The following PPP1R15A variants were observed in gnomAD, a reference collection of about 807,000 sequenced individuals.
The protein encoded by PPP1R15A is growth arrest and DNA damage-inducible protein GADD34.
A neutral mutation model predicts 48.5 loss-of-function variants in PPP1R15A; 43 were observed. The observed-to-expected ratio is 0.89, with a 90% confidence interval of 0.69 to 1.14. The LOEUF (loss-of-function observed/expected upper bound fraction) is 1.14. Among genes scored for constraint, PPP1R15A ranks in the 50% most tolerant of loss-of-function variants. The probability of loss-of-function intolerance (pLI) is 0.00; values close to 1 mark genes in which losing one functional copy is unlikely to be tolerated. For synonymous variants in PPP1R15A, 327 were observed against 327.4 expected, an observed-to-expected ratio of 1.00 and a Z score of 0.01; for missense variants, 868 against 847.2, an observed-to-expected ratio of 1.02 and a Z score of -0.30.
In PPP1R15A at chr19:48,875,859, C is replaced by T; in HGVS notation, c.1911C>T (p.Ser637=). The T allele has an allele frequency of 6.2e-7, 1 of 1,614,152 alleles. No individual in the cohort carries two copies. Among genetic ancestry groups the T allele is most frequent in the African/African-American group, 1.3e-5 (1 of 75,052 alleles). The stretch of plus-strand genomic sequence containing the variant: ...CCCTCACCCAGACCTTGCCTTCCTC[C>T]TCTGTCCCTTCGTCCCCAGTCCAGA... ...IPALTQTLPS[S]SVPSSPVQTT... The change falls in exon 3 of 3, where the codon TCC becomes TCT. Residue 637 remains serine (S), a synonymous_variant. Transcript: ENST00000200453.
rs1181604400 is a variant in PPP1R15A, at chr19:48,874,737, G to C, written c.1504G>C (p.Ala502Pro). The C allele has an allele frequency of 6.2e-7, 1 of 1,613,988 alleles. No homozygotes were observed. The highest frequency in any genetic ancestry group is 1.3e-5 in the African/African-American group (1 of 74,892). ...GGAAGCTGCTGAGGACTGGGGAGAA[G>C]CTGAGCCCTGCCCCTTCCGAGTGGC... ...EEEAAEDWGEAEPCPFRVAIY... is the reference protein window; with the variant it reads ...EEEAAEDWGEPEPCPFRVAIY... Residue 502 changes from alanine (A) to proline (P), a missense_variant, in exon 2 of 3, where the codon GCT (alanine) becomes CCT (proline). Physicochemically the swap from Ala to Pro is conservative, Grantham distance 27. Transcript: ENST00000200453.
rs561018347 is a variant in PPP1R15A, at chr19:48,875,547, C to T, written c.1666-67C>T. ...TGTTTGCTTCTCTCTCTCTCTTCCCCGCCCTCCCCATCCGGATTCCCGTGG... is the reference window on the plus strand; with the variant it reads ...TGTTTGCTTCTCTCTCTCTCTTCCCTGCCCTCCCCATCCGGATTCCCGTGG... On this transcript the variant is annotated intron_variant, in intron 2 of 2. Transcript: ENST00000200453. 35 of 1,505,476 alleles carry T rather than the reference C, an allele frequency of 2.3e-5. 1 individual carries two copies. The highest frequency in any genetic ancestry group is 1.8e-4 in the East Asian group (8 of 43,706). The allele number at this position is 1,505,476 out of a possible 1,614,324, so 93.3% of individuals were successfully genotyped here. A position where few individuals can be genotyped will look rare whatever the true frequency, so the allele number is the denominator to read the frequency against.
Position 48,873,541 on chromosome 19 carries a change from C to A in PPP1R15A, c.308C>A (p.Ser103Tyr). 1 of 1,614,162 alleles carries A rather than the reference C, an allele frequency of 6.2e-7. No homozygotes were observed. The highest frequency in any genetic ancestry group is 1.3e-5 in the African/African-American group (1 of 75,032). The part of the protein sequence containing the change: ...RETLGLKTSS[S>Y]LPEAWGLLDD... ...ACACTGGGGCTGAAAACCAGCAGTT[C>A]CCTTCCTGAAGCCTGGGGACTTTTG... The change falls in exon 2 of 3, where the codon TCC (serine) becomes TAC (tyrosine). Residue 103 changes from serine to tyrosine, a missense_variant. By Grantham distance (144) the Ser-to-Tyr change is moderately radical. Coordinates refer to ENST00000200453, the MANE Select transcript of PPP1R15A (RefSeq NM_014330.5).
In PPP1R15A at chr19:48,873,784, G is replaced by A. The variant is rs767574300; in HGVS notation, c.551G>A (p.Arg184Gln). ...AAGTTCTCTTATCCACCATCACACCGGGAGTGTTGTCCAGCCGTGGAGGAG... is the reference window on the plus strand; with the variant it reads ...AAGTTCTCTTATCCACCATCACACCAGGAGTGTTGTCCAGCCGTGGAGGAG... ...VNKFSYPPSH[R>Q]ECCPAVEEED... Residue 184 changes from arginine to glutamine, a missense_variant, in exon 2 of 3, where the codon CGG (arginine) becomes CAG (glutamine). Physicochemically the swap from Arg to Gln is conservative, Grantham distance 43 (BLOSUM62 1). Transcript: ENST00000200453. 13 of 1,613,926 alleles carry A rather than the reference G, an allele frequency of 8.1e-6. No individual in the cohort carries two copies. The highest frequency in any genetic ancestry group is 6.7e-5 in the African/African-American group (5 of 74,874).
Position 48,872,451 on chromosome 19 carries a change from T to C in PPP1R15A, c.-210T>C, listed in dbSNP as rs1266683453. 4.4e-6 allele frequency: 2 copies of C among 456,334 alleles called. No homozygotes were observed. Among genetic ancestry groups the C allele is most frequent in the African/African-American group, 2.0e-5 (1 of 50,046 alleles). The allele number at this position is 456,334 out of a possible 1,614,324, so 28.3% of individuals were successfully genotyped here. On this transcript the variant is annotated 5_prime_UTR_variant, in exon 1 of 3. Coordinates refer to ENST00000200453, the MANE Select transcript of PPP1R15A (RefSeq NM_014330.5). ...TATCGGTTCCCATCCCAGTTGTTGA[T>C]CTTATGCAAGACGCTGCACGACCCC... is the stretch of plus-strand genomic sequence containing the variant.
chr19:48,872,619 C>A lies in PPP1R15A; in HGVS notation c.-42C>A. On this transcript the variant is annotated 5_prime_UTR_variant, in exon 1 of 3. Transcript: ENST00000200453. Reference sequence around the variant, plus strand: ...GCTTCTGGCAGACCGAACCGGCGCTCCTGCCCCCGGGGTGACGCGCAGCTC... The same window carrying A: ...GCTTCTGGCAGACCGAACCGGCGCTACTGCCCCCGGGGTGACGCGCAGCTC... 2.6e-6 allele frequency: 1 copy of A among 390,832 alleles called. No individual in the cohort carries two copies. The highest frequency in any genetic ancestry group is 5.3e-6 in the Non-Finnish European group (1 of 187,248). 24.2% of individuals were successfully genotyped at this position (390,832 alleles called of 1,614,324 possible).
In PPP1R15A at chr19:48,874,696, AAGAGAC is replaced by A; in HGVS notation, c.1468_1473del (p.Thr490_Glu491del). On this transcript the variant is annotated inframe_deletion, in exon 2 of 3. Transcript: ENST00000200453. ...AGGGGCTGGGGATATCGACCTGGAA[AAGAGAC>A]AGAGGAAGAGGAAGCTGCTGAGGAC... 6.2e-7 allele frequency: 1 copy of A among 1,613,856 alleles called. No homozygotes were observed. Among genetic ancestry groups the A allele is most frequent in the Non-Finnish European group, 8.5e-7 (1 of 1,179,820 alleles).
Position 48,872,461 on chromosome 19 carries a change from G to A in PPP1R15A, c.-200G>A, listed in dbSNP as rs992463760. 6.6e-6 allele frequency: 3 copies of A among 456,368 alleles called. No individual in the cohort carries two copies. The highest frequency in any genetic ancestry group is 1.3e-5 in the Non-Finnish European group (3 of 226,808). 28.3% of individuals were successfully genotyped at this position (456,368 alleles called of 1,614,324 possible). ...CATCCCAGTTGTTGATCTTATGCAA[G>A]ACGCTGCACGACCCCGCGCCCGCTT... On this transcript the variant is annotated 5_prime_UTR_variant, in exon 1 of 3. Coordinates refer to ENST00000200453, the MANE Select transcript of PPP1R15A (RefSeq NM_014330.5).
In PPP1R15A at chr19:48,873,956, A is replaced by G; in HGVS notation, c.723A>G (p.Lys241=). 1 of 1,613,938 alleles carries G rather than the reference A, an allele frequency of 6.2e-7. No homozygotes were observed. The highest frequency in any genetic ancestry group is 8.5e-7 in the Non-Finnish European group (1 of 1,179,974). The part of the protein sequence containing the change: ...ATEDKRTERS[K]GARKTSVSPR... ...AGGATAAAAGAACAGAAAGAAGTAAAGGAGCCAGGAAGACCTCCGTGTCCC... is the reference window on the plus strand; with the variant it reads ...AGGATAAAAGAACAGAAAGAAGTAAGGGAGCCAGGAAGACCTCCGTGTCCC... Residue 241 remains lysine, a synonymous_variant, in exon 2 of 3, where the codon AAA becomes AAG. Transcript: ENST00000200453.
At position 48,874,752 on chromosome 19, in the gene PPP1R15A, T is replaced by C; in HGVS notation, c.1519T>C (p.Phe507Leu). Residue 507 changes from phenylalanine (F) to leucine (L), a missense_variant, in exon 2 of 3, where the codon TTC (phenylalanine) becomes CTC (leucine). Transcript: ENST00000200453. The stretch of plus-strand genomic sequence containing the variant: ...CTGGGGAGAAGCTGAGCCCTGCCCC[T>C]TCCGAGTGGCCATCTATGTACCTGG... ...EDWGEAEPCP[F>L]RVAIYVPGEK... 6.2e-7 allele frequency: 1 copy of C among 1,614,002 alleles called. No homozygotes were observed. The highest frequency in any genetic ancestry group is 8.5e-7 in the Non-Finnish European group (1 of 1,179,998).
At position 48,872,838 on chromosome 19, in the gene PPP1R15A, G is replaced by C. The variant is rs138534953; in HGVS notation, c.-10+187G>C. Among the ~76,000 whole-genome samples, 980 of 152,296 alleles carry C rather than the reference G, an allele frequency of 6.4e-3. 7 individuals carry two copies. Among genetic ancestry groups the C allele is most frequent in the Admixed American group, 0.013 (200 of 15,290 alleles). On this transcript the variant is annotated intron_variant, in intron 1 of 2. Transcript: ENST00000200453. ...CGGGTCAGAATGTTTCAGTCTGCGA[G>C]GGAGGAGGGTGTGAGGGTTTGATTT... is the stretch of plus-strand genomic sequence containing the variant.
chr19:48,875,596 CCCCATGTCTG>C lies in PPP1R15A; in HGVS notation c.1666-14_1666-5del. The C allele has an allele frequency of 6.3e-7, 1 of 1,576,860 alleles. No homozygotes were observed. The highest frequency in any genetic ancestry group is 8.6e-7 in the Non-Finnish European group (1 of 1,160,722). ...GGCTGTGTGCATCTCCTGCCTGTGTCCCCATGTCTGCCCGCAGGTGCGCTTCTCCGAGAAG... is the reference window on the plus strand; with the variant it reads ...GGCTGTGTGCATCTCCTGCCTGTGTCCCCGCAGGTGCGCTTCTCCGAGAAG... On this transcript the variant is annotated splice_region_variant and splice_polypyrimidine_tract_variant and intron_variant, in intron 2 of 2. Transcript: ENST00000200453.
In PPP1R15A at chr19:48,874,003, C is replaced by T; in HGVS notation, c.770C>T (p.Pro257Leu). ...SVSPRSSGSD[P>L]RSWEYRSGEA... is the part of the protein sequence containing the mutation. The stretch of plus-strand genomic sequence containing the variant: ...TCCCCCCGATCTTCAGGCTCCGACC[C>T]CAGGTCCTGGGAGTATCGTTCAGGA... The change falls in exon 2 of 3, where the codon CCC becomes CTC. Residue 257 changes from proline to leucine, a missense_variant. Pro to Leu is a moderately conservative substitution (Grantham distance 98). Coordinates refer to ENST00000200453, the MANE Select transcript of PPP1R15A (RefSeq NM_014330.5). The T allele has an allele frequency of 6.2e-7, 1 of 1,614,164 alleles. No homozygotes were observed. The highest frequency in any genetic ancestry group is 8.5e-7 in the Non-Finnish European group (1 of 1,180,008).
chr19:48,873,928 C>T lies in PPP1R15A; in HGVS notation c.695C>T (p.Thr232Met), dbSNP rs758099641. ...SCPGEEENQATEDKRTERSKG... is the reference protein window; with the variant it reads ...SCPGEEENQAMEDKRTERSKG... ...CCAGGGGAGGAAGAGAATCAAGCCACGGAGGATAAAAGAACAGAAAGAAGT... is the reference window on the plus strand; with the variant it reads ...CCAGGGGAGGAAGAGAATCAAGCCATGGAGGATAAAAGAACAGAAAGAAGT... Residue 232 changes from threonine (T) to methionine (M), a missense_variant, in exon 2 of 3, where the codon ACG (threonine) becomes ATG (methionine). Transcript: ENST00000200453. 2.5e-6 allele frequency: 4 copies of T among 1,613,946 alleles called. No individual in the cohort carries two copies. The highest frequency in any genetic ancestry group is 2.2e-5 in the East Asian group (1 of 44,884).
chr19:48,875,885 C>G lies in PPP1R15A; in HGVS notation c.1937C>G (p.Thr646Ser), dbSNP rs764242076. 6.2e-7 allele frequency: 1 copy of G among 1,614,064 alleles called. No homozygotes were observed. Among genetic ancestry groups the G allele is most frequent in the Non-Finnish European group, 8.5e-7 (1 of 1,180,018 alleles). The change falls in exon 3 of 3, where the codon ACC (threonine) becomes AGC (serine). Residue 646 changes from threonine to serine, a missense_variant. Coordinates refer to ENST00000200453, the MANE Select transcript of PPP1R15A (RefSeq NM_014330.5). ...TCTGTCCCTTCGTCCCCAGTCCAGA[C>G]CACGCCCTTGAGCCAAGCTGTGGCC... The part of the protein sequence containing the change: ...SSSVPSSPVQ[T>S]TPLSQAVATP...
At position 48,874,866 on chromosome 19, in the gene PPP1R15A, C is replaced by T. The variant is rs765961040; in HGVS notation, c.1633C>T (p.Pro545Ser). The T allele has an allele frequency of 1.3e-6, 2 of 1,599,344 alleles. No individual in the cohort carries two copies. Among genetic ancestry groups the T allele is most frequent in the African/African-American group, 1.3e-5 (1 of 74,202 alleles). ...GCGCCCAGAAACCCCTACTCATGAT[C>T]CGGACCCTGAGACTCCCCTAAAGGC... is the stretch of plus-strand genomic sequence containing the variant. ...LKRPETPTHD[P>S]DPETPLKARK... The change falls in exon 2 of 3, where the codon CCG (proline) becomes TCG (serine). Residue 545 changes from proline to serine, a missense_variant. Coordinates refer to ENST00000200453, the MANE Select transcript of PPP1R15A (RefSeq NM_014330.5).
chr19:48,874,033 C>G lies in PPP1R15A; in HGVS notation c.800C>G (p.Ala267Gly). 3 of 1,614,088 alleles carry G rather than the reference C, an allele frequency of 1.9e-6. No homozygotes were observed. Among genetic ancestry groups the G allele is most frequent in the Non-Finnish European group, 2.5e-6 (3 of 1,180,018 alleles). ...TCCTGGGAGTATCGTTCAGGAGAGG[C>G]GTCCGAGGAGAAGGAGGAAAAGGCA... Reference protein sequence around the residue: ...PRSWEYRSGEASEEKEEKAHK... With the variant: ...PRSWEYRSGEGSEEKEEKAHK... The change falls in exon 2 of 3, where the codon GCG becomes GGG. Residue 267 changes from alanine (A) to glycine (G), a missense_variant. By Grantham distance (60) the Ala-to-Gly change is moderately conservative (BLOSUM62 0). Transcript: ENST00000200453.
chr19:48,872,611 C>CCGG lies in PPP1R15A; in HGVS notation c.-47_-45dup, dbSNP rs1213868347. The CCGG allele has an allele frequency of 1.5e-5, 6 of 397,396 alleles. No individual in the cohort carries two copies. The highest frequency in any genetic ancestry group is 1.2e-4 in the African/African-American group (6 of 48,530). The allele number at this position is 397,396 out of a possible 1,614,324, so 24.6% of individuals were successfully genotyped here. A position where few individuals can be genotyped will look rare whatever the true frequency, so the allele number is the denominator to read the frequency against. Reference sequence around the variant, plus strand: ...CTGTGATCGCTTCTGGCAGACCGAACCGGCGCTCCTGCCCCCGGGGTGACG... The same window carrying CCGG: ...CTGTGATCGCTTCTGGCAGACCGAACCGGCGGCGCTCCTGCCCCCGGGGTGACG... On this transcript the variant is annotated 5_prime_UTR_variant, in exon 1 of 3. Coordinates refer to ENST00000200453, the MANE Select transcript of PPP1R15A (RefSeq NM_014330.5).
chr19:48,873,326 C>T lies in PPP1R15A; in HGVS notation c.93C>T (p.Arg31=), dbSNP rs760966697. The change falls in exon 2 of 3, where the codon CGC becomes CGT. Residue 31 remains arginine (R), a synonymous_variant. Coordinates refer to ENST00000200453, the MANE Select transcript of PPP1R15A (RefSeq NM_014330.5). Reference sequence around the variant, plus strand: ...CCCCAGTGATGGGCCTCCTCAGCCGCGCCTGGAGCCGCCTGAGGGGCCTGG... The same window carrying T: ...CCCCAGTGATGGGCCTCCTCAGCCGTGCCTGGAGCCGCCTGAGGGGCCTGG... ...LLSPVMGLLS[R]AWSRLRGLGP... 7.4e-6 allele frequency: 12 copies of T among 1,611,052 alleles called. No individual in the cohort carries two copies. The highest frequency in any genetic ancestry group is 1.3e-5 in the African/African-American group (1 of 74,702).
Sources: gnomAD v4.1 joint callset for allele counts (sites outside exome capture counted in the v4.1 genomes callset) on GRCh38, gnomAD v4.1.1 for gene constraint, MANE v1.5 for transcripts, NCBI Gene and HGNC (gene_info 2026-07-23, HGNC 2026-07-21) for gene names.